PIK3R4: variants seen among roughly 807,000 people sequenced by gnomAD.
PIK3R4 encodes the protein phosphoinositide-3-kinase regulatory subunit 4, also known as phosphoinositide 3-kinase regulatory subunit 4.
PIK3R4 carries 46 observed loss-of-function variants against 136.5 expected under a neutral mutation model. That is an observed-to-expected ratio of 0.34 (90% CI 0.27 to 0.43). The LOEUF (loss-of-function observed/expected upper bound fraction) is 0.43. Ranked by LOEUF, PIK3R4 falls within the 20% of genes least tolerant of loss-of-function variation. The pLI, the probability that PIK3R4 is intolerant of heterozygous loss-of-function variation, is 1.00. For missense variants in PIK3R4, 1,331 were observed against 1,649.5 expected (o/e 0.81, Z 3.35); for synonymous variants, 557 against 566.7 (o/e 0.98, Z 0.24).
intron 8 of PIK3R4, among the ~76,000 whole-genome samples, chr3:130,717,490 G>C (rs1037510768): frequency 6.6e-6 from 1 of 151,782 alleles, no homozygotes; most frequent in Admixed American, 6.6e-5. Flanking sequence ...TTTTCTGATA[G>C]TGCTATCCAT....
intron 19 of PIK3R4, among the ~76,000 whole-genome samples, chr3:130,679,803 C>G (rs545718192): frequency 1.2e-4 from 18 of 152,198 alleles, no homozygotes; most frequent in Admixed American, 3.3e-4. Flanking sequence ...ATAGGCCAGG[C>G]GCGGTGGGTC....
chr3:130,722,339 C>G (rs954417630), intron 7 of PIK3R4, among the ~76,000 whole-genome samples: 7 of 151,944 alleles, frequency 4.6e-5, no homozygotes, highest in Non-Finnish European at 1.0e-4. Flanking sequence ...TATTTTGACA[C>G]TAAAGATATA....
chr3:130,714,620 A>G (rs541273718), intron 9 of PIK3R4, among the ~76,000 whole-genome samples: 46 of 150,786 alleles, frequency 3.1e-4, no homozygotes, highest in Non-Finnish European at 6.2e-4. Context: ...CCACCCCTCA[A>G]CAGGCACTGG....
At chr3:130,739,396 A>C (rs906705430) in intron 2 of PIK3R4, among the ~76,000 whole-genome samples, 4 of 151,476 alleles carry the variant, frequency 2.6e-5, no homozygotes, top group South Asian at 2.1e-4. Context: ...TTTTGATACA[A>C]GGTCTCACTC....
At chr3:130,718,942 C>T (rs943547092) in intron 7 of PIK3R4, among the ~76,000 whole-genome samples, 3 of 152,108 alleles carry the variant, frequency 2.0e-5, no homozygotes, top group East Asian at 1.9e-4. Context: ...AAGGACATAT[C>T]CCCTCTACCA....
chr3:130,689,830 A>G (rs1449087365), intron 14 of PIK3R4, among the ~76,000 whole-genome samples: 1 of 152,216 alleles, frequency 6.6e-6, no homozygotes, highest in East Asian at 1.9e-4. Context: ...TAGATTCTTA[A>G]AGCATAACAT....
rs113375889 is a variant in PIK3R4 at position 130,679,848 on chromosome 3, C to T, written c.3907-363G>A. Among the ~76,000 whole-genome samples, 297 of 152,146 alleles carry T rather than the reference C, an allele frequency of 2.0e-3. 2 individuals are homozygous for T. The highest frequency in any genetic ancestry group is 6.6e-3 in the African/African-American group (276 of 41,508). ...ATCCCAGCACTTTGGGAGGCCAAGG[C>T]GGGTGGATCACAAGGTCAGGAGATC... is the stretch of plus-strand genomic sequence containing the variant. On this transcript the variant is annotated intron_variant, in intron 19 of 19. Coordinates refer to ENST00000356763, the MANE Select transcript of PIK3R4 (RefSeq NM_014602.3).
At chr3:130,684,051 G>C (rs1207060038) in intron 16 of PIK3R4, among the ~76,000 whole-genome samples, 199 bp downstream of exon 16, 1 of 152,162 alleles carries the variant, frequency 6.6e-6, no homozygotes, top group Non-Finnish European at 1.5e-5. Flanking sequence ...TAAGAATGGA[G>C]TAATGATGGT....
intron 15 of PIK3R4, among the ~76,000 whole-genome samples, chr3:130,685,469 T>C (rs781513155): frequency 6.6e-6 from 1 of 152,314 alleles, no homozygotes; most frequent in Middle Eastern, 3.4e-3. Flanking sequence ...TGGAAATATA[T>C]GTCCTTACAA....
chr3:130,706,881 A>G (rs1394149478), intron 11 of PIK3R4, 67 bp downstream of exon 11: 14 of 1,370,452 alleles, frequency 1.0e-5, no homozygotes, highest in African/African-American at 1.5e-5. Context: ...CACAGCCTTT[A>G]AACAACCAAA....
At position 130,679,149 on chromosome 3, in the gene PIK3R4, G is replaced by A. The variant is rs745388134; in HGVS notation, c.*166C>T. ...AGAGATGCATAAGTAAACTAGTCAA[G>A]TACATCTTAACCATTTTGGGTGTCA... is the stretch of plus-strand genomic sequence containing the variant. On this transcript the variant is annotated 3_prime_UTR_variant, in exon 20 of 20. Coordinates refer to ENST00000356763, the MANE Select transcript of PIK3R4 (RefSeq NM_014602.3). 17 of 400,212 alleles carry A rather than the reference G, an allele frequency of 4.2e-5. No individual in the cohort carries two copies. Among genetic ancestry groups the A allele is most frequent in the Non-Finnish European group, 6.1e-5 (14 of 227,760 alleles). The allele number at this position is 400,212 out of a possible 1,614,324, so 24.8% of individuals were successfully genotyped here.
intron 4 of PIK3R4, among the ~76,000 whole-genome samples, chr3:130,732,295 T>G (rs933763912): frequency 1.3e-5 from 2 of 152,172 alleles, no homozygotes; most frequent in African/African-American, 4.8e-5. Context: ...GTGATAGCTA[T>G]TAGTAACTGA....
intron 12 of PIK3R4, among the ~76,000 whole-genome samples, chr3:130,704,203 C>A (rs76694039): frequency 0.032 from 4,849 of 152,152 alleles, 229 homozygotes; most frequent in East Asian, 0.1. Context: ...CCTCTGAAAT[C>A]CCTGAACTAC....
chr3:130,680,803 C>G, intron 18 of PIK3R4, 82 bp from the exon 19 acceptor site: 1 of 918,752 alleles, frequency 1.1e-6, no homozygotes, highest in Non-Finnish European at 1.7e-6. Context: ...TTCATCAATG[C>G]ATTTTTTCTT....
intron 13 of PIK3R4, among the ~76,000 whole-genome samples, chr3:130,695,755 T>C (rs533109947): frequency 6.6e-6 from 1 of 152,294 alleles, no homozygotes; most frequent in African/African-American, 2.4e-5. Flanking sequence ...AACTTTATCA[T>C]AGATATGTAC....
chr3:130,705,556 T>G lies in PIK3R4; in HGVS notation c.2932+5A>C. 1 of 1,601,056 alleles carries G rather than the reference T, an allele frequency of 6.2e-7. No homozygotes were observed. Among genetic ancestry groups the G allele is most frequent in the Non-Finnish European group, 8.6e-7 (1 of 1,168,436 alleles). On this transcript the variant is annotated splice_donor_5th_base_variant and intron_variant, in intron 12 of 19. Transcript: ENST00000356763. ...ACTACAACTACTTATCAACGGAACT[T>G]TTACCAGGTGGTGGTGGTTTACTCT...
chr3:130,743,915 T>C (rs1169511619), intron 2 of PIK3R4, among the ~76,000 whole-genome samples: 1 of 152,244 alleles, frequency 6.6e-6, no homozygotes, highest in African/African-American at 2.4e-5. Flanking sequence ...CATCATATTC[T>C]GGTCTTTAAG....
intron 11 of PIK3R4, among the ~76,000 whole-genome samples, chr3:130,706,014 G>C (rs2066604294): frequency 6.6e-6 from 1 of 152,006 alleles, no homozygotes. Context: ...TAAAAAAACT[G>C]ATCAGCATGA....
At position 130,716,283 on chromosome 3, in the gene PIK3R4, C is replaced by A. The variant is rs903797477; in HGVS notation, c.2331+113G>T. Reference sequence around the variant, plus strand: ...AAGATGTTTGCCAGATTTACTTACTCATTTTTATGATGTAATCTAATCAAT... The same window carrying A: ...AAGATGTTTGCCAGATTTACTTACTAATTTTTATGATGTAATCTAATCAAT... On this transcript the variant is annotated intron_variant, in intron 9 of 19. Transcript: ENST00000356763. The A allele has an allele frequency of 7.6e-6, 6 of 791,158 alleles. No homozygotes were observed. The African/African-American group carries it at 8.7e-5, about 11-fold the overall frequency. The allele number at this position is 791,158 out of a possible 1,614,324, so 49.0% of individuals were successfully genotyped here. A position where few individuals can be genotyped will look rare whatever the true frequency, so the allele number is the denominator to read the frequency against.
Sources: allele counts gnomAD v4.1 joint callset (sites outside exome capture counted in the v4.1 genomes callset), GRCh38; gene constraint gnomAD v4.1.1; transcripts MANE v1.5; gene names NCBI Gene and HGNC (gene_info 2026-07-23, HGNC 2026-07-21).